The following PTX3 variants were observed in gnomAD, a reference collection of about 807,000 sequenced individuals.
PTX3 encodes pentraxin-related protein PTX3.
PTX3 carries 24 observed loss-of-function variants against 23.5 expected under a neutral mutation model. The observed-to-expected ratio is 1.02, with a 90% CI of 0.74 to 1.43. The LOEUF is 1.43. Among genes scored for constraint, PTX3 ranks in the 40% most tolerant of loss-of-function variants. The probability of loss-of-function intolerance (pLI) is 0.00; values close to 1 mark genes in which losing one functional copy is unlikely to be tolerated. For synonymous variants in PTX3, 218 were observed against 205.4 expected, an observed-to-expected ratio of 1.06 and a Z score of -0.53; for missense variants, 510 against 497.5, an observed-to-expected ratio of 1.02 and a Z score of -0.24.
At chr3:157,440,374 A>C (rs1734024001) in intron 2 of PTX3, among the ~76,000 whole-genome samples, 1 of 152,178 alleles carries the variant, frequency 6.6e-6, no homozygotes, top group African/African-American at 2.4e-5. Context: ...TGTTTTCAGG[A>C]TAGAGCCTAC....
At chr3:157,440,510 T>G (rs1280200597) in intron 2 of PTX3, among the ~76,000 whole-genome samples, 1 of 152,192 alleles carries the variant, frequency 6.6e-6, no homozygotes, top group East Asian at 1.9e-4. Flanking sequence ...TTCAAAGCTG[T>G]CTTATGGCAT....
At position 157,437,067 on chromosome 3, in the gene PTX3, A is replaced by G. The variant is rs1381084119; in HGVS notation, c.130+4A>G. The G allele has an allele frequency of 6.2e-7, 1 of 1,613,804 alleles. No individual in the cohort carries two copies. Among genetic ancestry groups the G allele is most frequent in the Admixed American group, 1.7e-5 (1 of 60,032 alleles). On this transcript the variant is annotated splice_donor_region_variant and intron_variant, in intron 1 of 2. Transcript: ENST00000295927. ...GGACTCCATCCCACTGAGGACCGTA[A>G]GTTCACTTTAACTGTTTCTCTGCTA...
At chr3:157,439,969 C>G (rs889095607) in intron 2 of PTX3, among the ~76,000 whole-genome samples, 3 of 152,136 alleles carry the variant, frequency 2.0e-5, no homozygotes, top group Non-Finnish European at 4.4e-5. Flanking sequence ...CCAGGATGGT[C>G]TCGATCTCCT....
At position 157,442,627 on chromosome 3, in the gene PTX3, G is replaced by A. The variant is rs1734217364; in HGVS notation, c.794G>A (p.Gly265Glu). ...KLVAEAMVSL[G>E]RWTHLCGTWN... Reference sequence around the variant, plus strand: ...GTTGCTGAAGCCATGGTTTCCCTGGGAAGGTGGACCCACCTGTGCGGCACC... The same window carrying A: ...GTTGCTGAAGCCATGGTTTCCCTGGAAAGGTGGACCCACCTGTGCGGCACC... Residue 265 changes from glycine (G) to glutamate (E), a missense_variant, in exon 3 of 3, where the codon GGA becomes GAA. Gly to Glu is a moderately conservative substitution (Grantham distance 98). Coordinates refer to ENST00000295927, the MANE Select transcript of PTX3 (RefSeq NM_002852.4). The A allele has an allele frequency of 6.2e-7, 1 of 1,614,238 alleles. No individual in the cohort carries two copies. The highest frequency in any genetic ancestry group is 1.3e-5 in the African/African-American group (1 of 75,058).
intron 2 of PTX3, among the ~76,000 whole-genome samples, chr3:157,438,523 G>T (rs1174762227): frequency 1.3e-5 from 2 of 152,174 alleles, no homozygotes; most frequent in African/African-American, 2.4e-5. Flanking sequence ...AGCCCCCGGG[G>T]TTTGTGGAAT....
rs1733746137 is a variant in PTX3 at position 157,437,799 on chromosome 3, G to T, written c.417G>T (p.Ala139=). The T allele has an allele frequency of 1.4e-6, 2 of 1,461,974 alleles. No individual in the cohort carries two copies. The highest frequency in any genetic ancestry group is 1.8e-6 in the Non-Finnish European group (2 of 1,120,862). 90.6% of individuals were successfully genotyped at this position (1,461,974 alleles called of 1,614,324 possible). The change falls in exon 2 of 3, where the codon GCG becomes GCT. Residue 139 remains alanine, a synonymous_variant. Transcript: ENST00000295927. ...TGGCGCGTATGGAGGGCGCGGAGGC[G>T]CAGCGCCCAGAGGAGGCGGGGCGCG... ...RRLARMEGAE[A]QRPEEAGRAL...
rs1420380945 is a variant in PTX3 at position 157,437,536 on chromosome 3, G to C, written c.154G>C (p.Glu52Gln). 1 of 1,606,120 alleles carries C rather than the reference G, an allele frequency of 6.2e-7. No individual in the cohort carries two copies. Among genetic ancestry groups the C allele is most frequent in the East Asian group, 2.2e-5 (1 of 44,488 alleles). Residue 52 changes from glutamate to glutamine, a missense_variant, in exon 2 of 3, where the codon GAG (glutamate) becomes CAG (glutamine). Transcript: ENST00000295927. ...AGCCACGCCGTGCGCCTGCGGTCAG[G>C]AGCACTCGGAATGGGACAAGCTCTT... ...EDPTPCACGQ[E>Q]HSEWDKLFIM... is the part of the protein sequence containing the mutation.
intron 2 of PTX3, among the ~76,000 whole-genome samples, chr3:157,439,759 T>G (rs1352031219): frequency 6.6e-6 from 1 of 152,152 alleles, no homozygotes; most frequent in Non-Finnish European, 1.5e-5. Context: ...ACTTTTTTGT[T>G]TTTTTCTTTG....
chr3:157,439,300 A>T lies in PTX3; in HGVS notation c.532+1386A>T, dbSNP rs533548481. The stretch of plus-strand genomic sequence containing the variant: ...GCATATTAGTTAGAGCAGAAGAGGG[A>T]TGCATTTCTGAATTCTAAGATGTTA... On this transcript the variant is annotated intron_variant, in intron 2 of 2. Coordinates refer to ENST00000295927, the MANE Select transcript of PTX3 (RefSeq NM_002852.4). Among the ~76,000 whole-genome samples, 6 of 152,308 alleles carry T rather than the reference A, an allele frequency of 3.9e-5. No individual in the cohort carries two copies. In the East Asian group the frequency reaches 1.2e-3, roughly 29 times the overall value.
At position 157,442,754 on chromosome 3, in the gene PTX3, C is replaced by A; in HGVS notation, c.921C>A (p.Ile307=). ...GTCACATTGTTCCTGAGGGAGGAAT[C>A]CTGCAGATTGGCCAAGAAAAGAATG... ...ATGHIVPEGG[I]LQIGQEKNGC... The change falls in exon 3 of 3, where the codon ATC becomes ATA. Residue 307 remains isoleucine, a synonymous_variant. Transcript: ENST00000295927. The A allele has an allele frequency of 6.2e-7, 1 of 1,614,188 alleles. No homozygotes were observed. Among genetic ancestry groups the A allele is most frequent in the South Asian group, 1.1e-5 (1 of 91,080 alleles).
intron 2 of PTX3, among the ~76,000 whole-genome samples, chr3:157,440,638 A>G (rs2109224892): frequency 6.6e-6 from 1 of 152,162 alleles, no homozygotes; most frequent in South Asian, 2.1e-4. Flanking sequence ...GTATACATAC[A>G]TACATATCCA....
In PTX3 at chr3:157,443,190, A is replaced by C. The variant is rs1210872895; in HGVS notation, c.*211A>C. ...AAGCTTTTGAGGATAATGTTACTAG[A>C]CTTTATGCCATGGTGCTTTCAGTTT... is the stretch of plus-strand genomic sequence containing the variant. On this transcript the variant is annotated 3_prime_UTR_variant, in exon 3 of 3. Transcript: ENST00000295927. 1.9e-6 allele frequency: 1 copy of C among 525,538 alleles called. No homozygotes were observed. Among genetic ancestry groups the C allele is most frequent in the African/African-American group, 1.9e-5 (1 of 53,028 alleles). 32.6% of individuals were successfully genotyped at this position (525,538 alleles called of 1,614,324 possible).
At position 157,437,041 on chromosome 3, in the gene PTX3, T is replaced by C. The variant is rs386352354; in HGVS notation, c.108T>C (p.Asn36=). The C allele has an allele frequency of 2.5e-6, 4 of 1,614,040 alleles. No individual in the cohort carries two copies. Among genetic ancestry groups the C allele is most frequent in the Admixed American group, 1.7e-5 (1 of 60,018 alleles). ...MYVNLDNEID[N]GLHPTEDPTP... ...TGAATTTGGACAACGAAATAGACAA[T>C]GGACTCCATCCCACTGAGGACCGTA... The change falls in exon 1 of 3, where the codon AAT becomes AAC. Residue 36 remains asparagine, a synonymous_variant. Coordinates refer to ENST00000295927, the MANE Select transcript of PTX3 (RefSeq NM_002852.4).
At chr3:157,439,475 A>T (rs915488811) in intron 2 of PTX3, among the ~76,000 whole-genome samples, 1 of 152,214 alleles carries the variant, frequency 6.6e-6, no homozygotes, top group Non-Finnish European at 1.5e-5. Context: ...AGAAAAACCT[A>T]TTAGTTAAAA....
rs138818541 is a variant in PTX3, at chr3:157,442,912, G to A, written c.1079G>A (p.Arg360Gln). Residue 360 changes from arginine (R) to glutamine (Q), a missense_variant, in exon 3 of 3, where the codon CGG becomes CAG. Coordinates refer to ENST00000295927, the MANE Select transcript of PTX3 (RefSeq NM_002852.4). ...ETGGAESCHIRGNIVGWGVTE... is the reference protein window; with the variant it reads ...ETGGAESCHIQGNIVGWGVTE... Reference sequence around the variant, plus strand: ...GGAGGAGCAGAGTCTTGTCACATCCGGGGGAATATTGTTGGGTGGGGAGTC... The same window carrying A: ...GGAGGAGCAGAGTCTTGTCACATCCAGGGGAATATTGTTGGGTGGGGAGTC... The A allele has an allele frequency of 7.9e-4, 1,277 of 1,614,070 alleles. 9 individuals carry two copies. The African/African-American group carries it at 0.013, about 16-fold the overall frequency.
chr3:157,438,035 GCGCACA>G (rs1459350875), intron 2 of PTX3, 121 bp downstream of exon 2: 75 of 701,944 alleles, frequency 1.1e-4, no homozygotes, highest in African/African-American at 1.0e-3. Flanking sequence ...GCGCGCGCGC[GCGCACA>G]CACACACACA....
At chr3:157,438,024 C>A (rs972594903) in intron 2 of PTX3, 110 bp downstream of exon 2, 161 of 778,036 alleles carry the variant, frequency 2.1e-4, no homozygotes, top group Admixed American at 4.5e-4. Flanking sequence ...ATGGGAAGCG[C>A]GCGCGCGCGC....
rs749969879 is a variant in PTX3, at chr3:157,437,064, G to GT, written c.130+2dup. On this transcript the variant is annotated splice_donor_variant, in intron 1 of 2. Coordinates refer to ENST00000295927, the MANE Select transcript of PTX3 (RefSeq NM_002852.4). LOFTEE classifies it high-confidence loss of function. ...AATGGACTCCATCCCACTGAGGACC[G>GT]TAAGTTCACTTTAACTGTTTCTCTG... 26 of 1,613,516 alleles carry GT rather than the reference G, an allele frequency of 1.6e-5. No individual in the cohort carries two copies. Among genetic ancestry groups the GT allele is most frequent in the East Asian group, 4.5e-5 (2 of 44,884 alleles).
At chr3:157,438,800 A>T (rs1161254157) in intron 2 of PTX3, among the ~76,000 whole-genome samples, 1 of 152,234 alleles carries the variant, frequency 6.6e-6, no homozygotes, top group East Asian at 1.9e-4. Flanking sequence ...GAGCCAATCA[A>T]TACTCCTTTG....
Sources: allele counts gnomAD v4.1 joint callset (sites outside exome capture counted in the v4.1 genomes callset), GRCh38; gene constraint gnomAD v4.1.1; transcripts MANE v1.5; gene names NCBI Gene and HGNC (gene_info 2026-07-23, HGNC 2026-07-21).